PCDHGB2: variants seen among roughly 807,000 people sequenced by gnomAD.
PCDHGB2 encodes protocadherin gamma-B2.
PCDHGB2 carries 55 observed loss-of-function variants against 59.3 expected under a neutral mutation model. The observed-to-expected ratio is 0.93, with a 90% CI of 0.75 to 1.16. PCDHGB2 has a LOEUF of 1.16. PCDHGB2 is among the 50% of genes most tolerant of loss of function. The pLI, the probability that PCDHGB2 is intolerant of heterozygous loss-of-function variation, is 0.00. For synonymous variants in PCDHGB2, 516 were observed against 512.0 expected, an observed-to-expected ratio of 1.01 and a Z score of -0.11; for missense variants, 1,228 against 1,198.5, an observed-to-expected ratio of 1.02 and a Z score of -0.36.
At chr5:141,389,173 T>C (rs1339910343) in intron 1 of PCDHGB2, 15 of 1,613,844 alleles carry the variant, frequency 9.3e-6, no homozygotes, top group Non-Finnish European at 1.2e-5. Context: ...AAGCCTCCCC[T>C]CTCCTCCAGT....
rs752112707 is a variant in PCDHGB2, at chr5:141,376,279, A to G, written c.2421+13723A>G. 22 of 1,614,054 alleles carry G rather than the reference A, an allele frequency of 1.4e-5. No homozygotes were observed. The Admixed American group carries it at 1.8e-4, about 13-fold the overall frequency. ...TGCTGCAGGCTTCGGGAGGTGGCTT[A>G]GCGAGCATGCCCGGCTCGCACTTTG... is the stretch of plus-strand genomic sequence containing the variant. On this transcript the variant is annotated intron_variant, in intron 1 of 3. Coordinates refer to ENST00000522605, the MANE Select transcript of PCDHGB2 (RefSeq NM_018923.3).
At chr5:141,414,320 A>C (rs372261571) in intron 1 of PCDHGB2, 7 of 1,613,840 alleles carry the variant, frequency 4.3e-6, no homozygotes, top group Non-Finnish European at 5.9e-6. Flanking sequence ...GACTCTGAGC[A>C]GAATGGACAG....
At chr5:141,450,887 C>T (rs531604055) in intron 1 of PCDHGB2, among the ~76,000 whole-genome samples, 18 of 148,682 alleles carry the variant, frequency 1.2e-4, no homozygotes, top group East Asian at 1.2e-3. Flanking sequence ...TGCAGTGGTG[C>T]GATATCGGCT....
intron 1 of PCDHGB2, chr5:141,407,948 G>T (rs978962452): frequency 7.0e-6 from 4 of 572,054 alleles, no homozygotes; most frequent in Non-Finnish European, 1.1e-5. Flanking sequence ...GCCGCTGTCG[G>T]CCAGTGCAGA....
intron 1 of PCDHGB2, chr5:141,413,972 T>G: frequency 6.2e-7 from 1 of 1,613,420 alleles, no homozygotes; most frequent in Non-Finnish European, 8.5e-7. Context: ...ACTCAGCTGC[T>G]GACAGTCACA....
At chr5:141,397,224 A>T (rs2093491277) in intron 1 of PCDHGB2, among the ~76,000 whole-genome samples, 1 of 151,376 alleles carries the variant, frequency 6.6e-6, no homozygotes. Context: ...ATTTTGAGAT[A>T]TGAAGAAGAG....
Position 141,477,029 on chromosome 5 carries a change from A to T in PCDHGB2, c.2422-17778A>T, listed in dbSNP as rs754045855. ...CTTAGACCTTGTAACCGGGATGCTG[A>T]CAATCAAGGGTCGGCTGGACTTCGA... On this transcript the variant is annotated intron_variant, in intron 1 of 3. Transcript: ENST00000522605. This position sits in a 1 kb window ranked among gnomAD's most constrained non-coding sequence, Gnocchi z 4.9. 2 of 1,614,238 alleles carry T rather than the reference A, an allele frequency of 1.2e-6. No homozygotes were observed. The highest frequency in any genetic ancestry group is 3.3e-5 in the Admixed American group (2 of 60,028).
chr5:141,460,467 AG>A (rs1303418429), intron 1 of PCDHGB2, among the ~76,000 whole-genome samples: 1 of 152,114 alleles, frequency 6.6e-6, no homozygotes, highest in African/African-American at 2.4e-5. Flanking sequence ...TTTTTTCCAA[AG>A]GAATATCCAA....
intron 1 of PCDHGB2, chr5:141,372,054 G>A (rs377450479): frequency 3.1e-6 from 5 of 1,613,396 alleles, no homozygotes; most frequent in Middle Eastern, 1.7e-4. Context: ...GTTGGTGGAC[G>A]ACCGCAACGA....
At position 141,476,602 on chromosome 5, in the gene PCDHGB2, C is replaced by T; in HGVS notation, c.2422-18205C>T. 6.2e-7 allele frequency: 1 copy of T among 1,614,208 alleles called. No homozygotes were observed. Among genetic ancestry groups the T allele is most frequent in the Middle Eastern group, 1.6e-4 (1 of 6,062 alleles). Reference sequence around the variant, plus strand: ...TTCCGCTCGAGAGCGCGCACGATCCCGATGTGGGAAGCAACTCTTTACAAA... The same window carrying T: ...TTCCGCTCGAGAGCGCGCACGATCCTGATGTGGGAAGCAACTCTTTACAAA... On this transcript the variant is annotated intron_variant, in intron 1 of 3. Coordinates refer to ENST00000522605, the MANE Select transcript of PCDHGB2 (RefSeq NM_018923.3). The surrounding 1 kb of genome is among the most constrained non-coding windows in gnomAD (Gnocchi z 7.6).
At chr5:141,415,793 T>C in intron 1 of PCDHGB2, 1 of 1,373,160 alleles carries the variant, frequency 7.3e-7, no homozygotes, top group Non-Finnish European at 9.4e-7. Context: ...AAAATTCACC[T>C]AGTCTCAATC....
chr5:141,363,028 C>A (rs1346880305), intron 1 of PCDHGB2, among the ~76,000 whole-genome samples: 1 of 152,190 alleles, frequency 6.6e-6, no homozygotes, highest in African/African-American at 2.4e-5. Flanking sequence ...GGACATTGTC[C>A]CATTGACTTG....
intron 1 of PCDHGB2, chr5:141,423,468 A>G (rs1474468597): frequency 6.2e-7 from 1 of 1,613,960 alleles, no homozygotes; most frequent in Admixed American, 1.7e-5. Flanking sequence ...TGGACGGGGT[A>G]CAGGCTTTCC....
intron 1 of PCDHGB2, among the ~76,000 whole-genome samples, chr5:141,406,071 C>T (rs2094755708): frequency 7.4e-6 from 1 of 134,244 alleles, no homozygotes; most frequent in East Asian, 2.1e-4. Context: ...AATTCTTACT[C>T]CTTTTTTTTT....
At chr5:141,410,513 G>C in intron 1 of PCDHGB2, 1 of 1,613,954 alleles carries the variant, frequency 6.2e-7, no homozygotes, top group Non-Finnish European at 8.5e-7. Context: ...AAAATGCAGT[G>C]TGCCCCTACA....
At chr5:141,392,229 TTC>T (rs1184019586) in intron 1 of PCDHGB2, 5 of 152,224 alleles carry the variant, frequency 3.3e-5, no homozygotes, top group Admixed American at 6.5e-5. Context: ...ACAACTGAAG[TTC>T]TTAGTTATTT....
intron 1 of PCDHGB2, chr5:141,395,340 G>T (rs529007241): frequency 2.1e-6 from 3 of 1,419,360 alleles, no homozygotes; most frequent in Non-Finnish European, 1.9e-6. Flanking sequence ...TAATTTTTAA[G>T]GTGTATCACA....
chr5:141,502,655 C>T (rs72790073), intron 2 of PCDHGB2, among the ~76,000 whole-genome samples: 29,437 of 152,034 alleles, frequency 0.19, 2,877 homozygotes, highest in Middle Eastern at 0.24. Context: ...AGGCAGCAAC[C>T]CTTCATGCAA....
At position 141,476,613 on chromosome 5, in the gene PCDHGB2, G is replaced by A; in HGVS notation, c.2422-18194G>A. On this transcript the variant is annotated intron_variant, in intron 1 of 3. Coordinates refer to ENST00000522605, the MANE Select transcript of PCDHGB2 (RefSeq NM_018923.3). This position sits in a 1 kb window ranked among gnomAD's most constrained non-coding sequence, Gnocchi z 7.6. ...AGCGCGCACGATCCCGATGTGGGAA[G>A]CAACTCTTTACAAACCTATGAGCTG... is the stretch of plus-strand genomic sequence containing the variant. 1 of 1,614,266 alleles carries A rather than the reference G, an allele frequency of 6.2e-7. No homozygotes were observed. The highest frequency in any genetic ancestry group is 1.3e-5 in the African/African-American group (1 of 75,078).
Sources: allele counts gnomAD v4.1 joint callset (sites outside exome capture counted in the v4.1 genomes callset), GRCh38; gene constraint gnomAD v4.1.1; non-coding constraint Gnocchi (gnomAD v3.1); transcripts MANE v1.5; gene names NCBI Gene and HGNC (gene_info 2026-07-23, HGNC 2026-07-21).